WDR75: variants seen among roughly 807,000 people sequenced by gnomAD.
WDR75 encodes the protein WD repeat-containing protein 75.
WDR75 carries 52 observed loss-of-function variants against 106.1 expected under a neutral mutation model. The ratio of observed to expected loss-of-function variants is 0.49; its 90% CI spans 0.39 to 0.62. The LOEUF (loss-of-function observed/expected upper bound fraction) is 0.62, where lower values mean the gene tolerates loss of function less well. WDR75 is among the 20% of genes least tolerant of loss of function. WDR75 has a pLI of 0.00. For synonymous variants in WDR75, 333 were observed against 335.5 expected, an observed-to-expected ratio of 0.99 and a Z score of 0.08; for missense variants, 905 against 970.3, an observed-to-expected ratio of 0.93 and a Z score of 0.89.
At chr2:189,447,121 T>C (rs1400457300) in intron 1 of WDR75, among the ~76,000 whole-genome samples, 1 of 152,220 alleles carries the variant, frequency 6.6e-6, no homozygotes, top group African/African-American at 2.4e-5. Context: ...TGATCTTGAC[T>C]GTAGGTAATT....
At chr2:189,448,185 G>C (rs1686539938) in intron 1 of WDR75, among the ~76,000 whole-genome samples, 194 bp from the exon 2 acceptor site, 1 of 152,160 alleles carries the variant, frequency 6.6e-6, no homozygotes, top group African/African-American at 2.4e-5. Flanking sequence ...GTAAGGTTTT[G>C]AATGAGATAT....
chr2:189,462,747 G>A, intron 9 of WDR75, 105 bp downstream of exon 9: 2 of 1,041,712 alleles, frequency 1.9e-6, no homozygotes, highest in Non-Finnish European at 2.7e-6. Flanking sequence ...AGTAGCGTAT[G>A]AGATTTAATG....
chr2:189,468,426 G>T, intron 14 of WDR75, 49 bp from the exon 15 acceptor site: 1 of 1,573,086 alleles, frequency 6.4e-7, no homozygotes, highest in South Asian at 1.1e-5. Flanking sequence ...CTTTGTAACT[G>T]AATTTGCTAG....
Position 189,469,373 on chromosome 2 carries a change from G to A in WDR75, c.1753G>A (p.Val585Ile). Residue 585 changes from valine (V) to isoleucine (I), a missense_variant, in exon 16 of 21, where the codon GTT (valine) becomes ATT (isoleucine). Coordinates refer to ENST00000314761, the MANE Select transcript of WDR75 (RefSeq NM_032168.3). The stretch of plus-strand genomic sequence containing the variant: ...GTGGAATGCAAAATTAAATGTTAGA[G>A]TTATGGAACCCGATCCTAATTCAGA... Reference protein sequence around the residue: ...LEWNAKLNVRVMEPDPNSENI... With the variant: ...LEWNAKLNVRIMEPDPNSENI... 1.9e-6 allele frequency: 3 copies of A among 1,613,528 alleles called. No individual in the cohort carries two copies. The highest frequency in any genetic ancestry group is 1.7e-6 in the Non-Finnish European group (2 of 1,179,598).
At position 189,445,929 on chromosome 2, in the gene WDR75, A is replaced by G. The variant is rs1034563218; in HGVS notation, c.87-2450A>G. ...GACTTTGAAGGGTTGCGTTTAAGTA[A>G]TTGAAGCCATTGTTCTATGCTGAGA... is the stretch of plus-strand genomic sequence containing the variant. On this transcript the variant is annotated intron_variant, in intron 1 of 20. Coordinates refer to ENST00000314761, the MANE Select transcript of WDR75 (RefSeq NM_032168.3). 3.7e-4 allele frequency among the ~76,000 whole-genome samples: 56 copies of G among 152,220 alleles called. 1 individual carries two copies. The highest frequency in any genetic ancestry group is 1.6e-3 in the Admixed American group (24 of 15,286).
At chr2:189,470,921 A>G (rs764167037) in intron 18 of WDR75, 43 bp downstream of exon 18, 1 of 1,457,078 alleles carries the variant, frequency 6.9e-7, no homozygotes, top group Non-Finnish European at 9.3e-7. Flanking sequence ...GCCTCCCTAA[A>G]AGGATACAAT....
chr2:189,460,144 C>T (rs1686846339), intron 8 of WDR75, among the ~76,000 whole-genome samples: 1 of 152,140 alleles, frequency 6.6e-6, no homozygotes, highest in Non-Finnish European at 1.5e-5. Context: ...AGAGTTATGT[C>T]AGTTTATTTG....
chr2:189,461,187 G>A (rs1686874061), intron 8 of WDR75, among the ~76,000 whole-genome samples: 1 of 152,162 alleles, frequency 6.6e-6, no homozygotes, highest in African/African-American at 2.4e-5. Context: ...AAAACCAGTT[G>A]TTTTAGATTC....
In WDR75 at chr2:189,450,926, C is replaced by T. The variant is rs1385125449; in HGVS notation, c.240C>T (p.Gly80=). The change falls in exon 3 of 21, where the codon GGC becomes GGT. Residue 80 remains glycine, a synonymous_variant. Coordinates refer to ENST00000314761, the MANE Select transcript of WDR75 (RefSeq NM_032168.3). The part of the protein sequence containing the change: ...HLQLYSCSLD[G]TIKLWDYIDG... ...AGCTGTATTCTTGTTCCCTTGATGGCACAATTAAACTGTGGGACTATATAG... is the reference window on the plus strand; with the variant it reads ...AGCTGTATTCTTGTTCCCTTGATGGTACAATTAAACTGTGGGACTATATAG... 6.2e-7 allele frequency: 1 copy of T among 1,610,508 alleles called. No homozygotes were observed. The highest frequency in any genetic ancestry group is 8.5e-7 in the Non-Finnish European group (1 of 1,179,156).
At chr2:189,444,441 C>T (rs1310636441) in intron 1 of WDR75, among the ~76,000 whole-genome samples, 1 of 152,150 alleles carries the variant, frequency 6.6e-6, no homozygotes, top group Non-Finnish European at 1.5e-5. Context: ...CAGTCCAGTT[C>T]TGTTTGCATC....
At chr2:189,466,711 C>A in intron 13 of WDR75, 129 bp downstream of exon 13, 2 of 933,576 alleles carry the variant, frequency 2.1e-6, no homozygotes, top group South Asian at 2.1e-5. Flanking sequence ...ATTGCTTAAT[C>A]TTAATAGATT....
In WDR75 at chr2:189,458,777, TAAG is replaced by T. The variant is rs757536554; in HGVS notation, c.598_600del (p.Lys200del). On this transcript the variant is annotated inframe_deletion, in exon 7 of 21. Coordinates refer to ENST00000314761, the MANE Select transcript of WDR75 (RefSeq NM_032168.3). ...GGTTTACTTTATCATCATCAAGAAA[TAAG>T]AAGCATGCTAAAAACAATTTTACAT... 67 of 1,595,142 alleles carry T rather than the reference TAAG, an allele frequency of 4.2e-5. No individual in the cohort carries two copies. The African/African-American group carries it at 6.5e-4, about 15-fold the overall frequency.
chr2:189,457,268 T>G, intron 5 of WDR75, 43 bp from the exon 6 acceptor site: 1 of 1,312,754 alleles, frequency 7.6e-7, no homozygotes, highest in Non-Finnish European at 1.1e-6. Flanking sequence ...AAAAAGAGTG[T>G]TGACTATTTT....
chr2:189,465,302 A>G, intron 12 of WDR75, 48 bp downstream of exon 12: 2 of 1,510,922 alleles, frequency 1.3e-6, no homozygotes, highest in Non-Finnish European at 1.8e-6. Flanking sequence ...AAAATATTTC[A>G]CTTCCCATTT....
Position 189,450,930 on chromosome 2 carries a change from A to G in WDR75, c.244A>G (p.Ile82Val). ...GTATTCTTGTTCCCTTGATGGCACAATTAAACTGTGGGACTATATAGATGG... is the reference window on the plus strand; with the variant it reads ...GTATTCTTGTTCCCTTGATGGCACAGTTAAACTGTGGGACTATATAGATGG... ...QLYSCSLDGT[I>V]KLWDYIDGIL... is the part of the protein sequence containing the mutation. Residue 82 changes from isoleucine (I) to valine (V), a missense_variant, in exon 3 of 21, where the codon ATT (isoleucine) becomes GTT (valine). Ile to Val is a conservative substitution (Grantham distance 29, BLOSUM62 3). Transcript: ENST00000314761. 6.2e-7 allele frequency: 1 copy of G among 1,611,384 alleles called. No homozygotes were observed. Among genetic ancestry groups the G allele is most frequent in the African/African-American group, 1.3e-5 (1 of 74,926 alleles).
chr2:189,469,305 C>A (rs1333109421), intron 15 of WDR75, 39 bp from the exon 16 acceptor site: 1 of 1,523,716 alleles, frequency 6.6e-7, no homozygotes, highest in Non-Finnish European at 9.1e-7. Flanking sequence ...TTTGGTAAAT[C>A]TTTCCTTAGA....
At chr2:189,451,732 C>T (rs553262371) in intron 3 of WDR75, 73 bp from the exon 4 acceptor site, 9 of 1,362,868 alleles carry the variant, frequency 6.6e-6, no homozygotes, top group Non-Finnish European at 9.3e-6. Context: ...ACATAAAAAC[C>T]CCTGCCTTGA....
Position 189,463,839 on chromosome 2 carries a change from T to G in WDR75, c.998-7T>G. On this transcript the variant is annotated splice_polypyrimidine_tract_variant and splice_region_variant and intron_variant, in intron 10 of 20. Coordinates refer to ENST00000314761, the MANE Select transcript of WDR75 (RefSeq NM_032168.3). ...ATTTCACCTGTTATTTGTCACCACT[T>G]CTGCAGATAGGAGTATCTTCACTGG... is the stretch of plus-strand genomic sequence containing the variant. The G allele has an allele frequency of 1.2e-6, 2 of 1,613,708 alleles. No individual in the cohort carries two copies. Among genetic ancestry groups the G allele is most frequent in the Non-Finnish European group, 1.7e-6 (2 of 1,179,684 alleles).
intron 1 of WDR75, among the ~76,000 whole-genome samples, chr2:189,444,669 C>CT (rs1299974192): frequency 6.6e-6 from 1 of 152,136 alleles, no homozygotes; most frequent in Non-Finnish European, 1.5e-5. Context: ...CATTATTACT[C>CT]TAACTCTTAT....
Sources: allele counts gnomAD v4.1 joint callset (sites outside exome capture counted in the v4.1 genomes callset), GRCh38; gene constraint gnomAD v4.1.1; transcripts MANE v1.5; gene names NCBI Gene and HGNC (gene_info 2026-07-23, HGNC 2026-07-21).